The following PTTG1IP2 variants were observed in gnomAD, a reference collection of about 807,000 sequenced individuals.
PTTG1IP2 encodes PTTG1IP family member 2.
intron 2 of PTTG1IP2, among the ~76,000 whole-genome samples, chr7:90,485,963 G>A (rs928759374): frequency 1.3e-5 from 2 of 152,138 alleles, no homozygotes; most frequent in South Asian, 2.1e-4. Context: ...CCAGTCTTTC[G>A]GCAACCGTCC....
intron 6 of PTTG1IP2, among the ~76,000 whole-genome samples, chr7:90,496,946 C>G (rs1282854143): frequency 6.6e-6 from 1 of 152,034 alleles, no homozygotes; most frequent in Admixed American, 6.5e-5. Context: ...TTTTTGACCC[C>G]GTGGTTGTTC....
At chr7:90,509,113 CTTTT>C (rs34626171) in intron 6 of PTTG1IP2, among the ~76,000 whole-genome samples, 1 of 136,558 alleles carries the variant, frequency 7.3e-6, no homozygotes, top group African/African-American at 2.7e-5. Flanking sequence ...AATGTGAAGG[CTTTT>C]TTTTTTTTTT....
At chr7:90,498,543 C>T (rs771943986) in intron 6 of PTTG1IP2, among the ~76,000 whole-genome samples, 20 of 152,218 alleles carry the variant, frequency 1.3e-4, no homozygotes, top group Admixed American at 1.3e-4. Context: ...ACAAAATAGA[C>T]TTTAAGTCCA....
intron 2 of PTTG1IP2, among the ~76,000 whole-genome samples, chr7:90,481,675 C>T (rs1391321010): frequency 1.3e-5 from 2 of 152,164 alleles, no homozygotes; most frequent in African/African-American, 4.8e-5. Context: ...ACCCCCTGCA[C>T]TTCCCCTATA....
At chr7:90,509,809 G>T (rs909432394) in intron 6 of PTTG1IP2, among the ~76,000 whole-genome samples, 1 of 152,150 alleles carries the variant, frequency 6.6e-6, no homozygotes, top group Non-Finnish European at 1.5e-5. Context: ...CAGTATAAGG[G>T]TGGTCAGGAG....
chr7:90,495,552 G>A (rs1797982745), intron 6 of PTTG1IP2, among the ~76,000 whole-genome samples: 1 of 152,184 alleles, frequency 6.6e-6, no homozygotes, highest in East Asian at 1.9e-4. Flanking sequence ...CACCTGCACA[G>A]AAAGGAGGTC....
At chr7:90,511,113 C>T (rs1384726193) in intron 6 of PTTG1IP2, among the ~76,000 whole-genome samples, 2 of 151,902 alleles carry the variant, frequency 1.3e-5, no homozygotes, top group Admixed American at 1.3e-4. Context: ...ATTGGCACCA[C>T]CTGGTATAGT....
intron 1 of PTTG1IP2, among the ~76,000 whole-genome samples, chr7:90,472,219 G>A (rs1441017101): frequency 6.6e-6 from 1 of 151,444 alleles, no homozygotes; most frequent in African/African-American, 2.4e-5. Flanking sequence ...AAACAATAGA[G>A]CAACTATGTA....
intron 6 of PTTG1IP2, among the ~76,000 whole-genome samples, chr7:90,498,017 A>G (rs112127295): frequency 2.8e-4 from 42 of 150,918 alleles, no homozygotes; most frequent in African/African-American, 7.6e-4. Flanking sequence ...TATCCTCTTG[A>G]TGAATGAACC....
At chr7:90,504,252 G>T (rs1475031988) in intron 6 of PTTG1IP2, among the ~76,000 whole-genome samples, 1 of 151,966 alleles carries the variant, frequency 6.6e-6, no homozygotes, top group Non-Finnish European at 1.5e-5. Flanking sequence ...GGAAGCAGAG[G>T]TTGCAGTGAG....
At chr7:90,506,092 T>C (rs1798121970) in intron 6 of PTTG1IP2, among the ~76,000 whole-genome samples, 1 of 150,876 alleles carries the variant, frequency 6.6e-6, no homozygotes, top group Non-Finnish European at 1.5e-5. Flanking sequence ...ACACTTACAA[T>C]GCACTGCAAG....
At chr7:90,473,983 C>T (rs1797718803) in intron 1 of PTTG1IP2, among the ~76,000 whole-genome samples, 1 of 152,182 alleles carries the variant, frequency 6.6e-6, no homozygotes, top group Non-Finnish European at 1.5e-5. Context: ...TTTCAGTAAA[C>T]ATTATGCAGT....
At chr7:90,474,836 A>G (rs1185344606) in intron 1 of PTTG1IP2, among the ~76,000 whole-genome samples, 1 of 152,194 alleles carries the variant, frequency 6.6e-6, no homozygotes, top group African/African-American at 2.4e-5. Flanking sequence ...AAAAGAACCA[A>G]TTTATTAAAA....
intron 6 of PTTG1IP2, among the ~76,000 whole-genome samples, chr7:90,502,428 T>C (rs17865918): frequency 0.02 from 3,059 of 152,342 alleles, 123 homozygotes; most frequent in African/African-American, 0.069. Flanking sequence ...ATGTCTTTAA[T>C]GGCATCTATA....
chr7:90,475,710 C>T (rs1797740619), intron 1 of PTTG1IP2, among the ~76,000 whole-genome samples: 1 of 152,074 alleles, frequency 6.6e-6, no homozygotes, highest in Non-Finnish European at 1.5e-5. Flanking sequence ...CCTGTAATCC[C>T]AGCACTTTGG....
intron 2 of PTTG1IP2, among the ~76,000 whole-genome samples, 183 bp downstream of exon 2, chr7:90,479,457 A>G (rs1205012504): frequency 6.6e-6 from 1 of 152,234 alleles, no homozygotes; most frequent in Non-Finnish European, 1.5e-5. Flanking sequence ...AGAAATAAAC[A>G]ATGGAGATAA....
At chr7:90,471,086 C>A (rs774233504) in intron 1 of PTTG1IP2, among the ~76,000 whole-genome samples, 5 of 152,144 alleles carry the variant, frequency 3.3e-5, no homozygotes, top group Non-Finnish European at 7.4e-5. Flanking sequence ...GGCTGGCCAA[C>A]TGGAGCCCAT....
chr7:90,506,788 T>G lies in PTTG1IP2; in HGVS notation c.*51-6490T>G, dbSNP rs1399372652. ...TCTCAAAAAAAGTTATATTCTTATT[T>G]TATTTTAAAATCTAATGGGTAATTC... On this transcript the variant is annotated intron_variant, in intron 6 of 6. Transcript: ENST00000509356. 3.9e-5 allele frequency among the ~76,000 whole-genome samples: 6 copies of G among 152,186 alleles called. No individual in the cohort carries two copies. The East Asian group carries it at 1.2e-3, about 29-fold the overall frequency.
intron 5 of PTTG1IP2, chr7:90,494,144 G>A (rs1428512473): frequency 2.0e-5 from 3 of 152,114 alleles, no homozygotes; most frequent in African/African-American, 7.2e-5. Flanking sequence ...TAGTCTTGTG[G>A]TCACCATCAA....
Sources: gnomAD v4.1 joint callset for allele counts (sites outside exome capture counted in the v4.1 genomes callset) on GRCh38, gnomAD v4.1.1 for gene constraint, MANE v1.5 for transcripts, NCBI Gene and HGNC (gene_info 2026-07-23, HGNC 2026-07-21) for gene names.